UGT1A3: variants seen among roughly 807,000 people sequenced by gnomAD.
UGT1A3 encodes UDP-glucuronosyltransferase 1A3.
Under a neutral mutation model 41.0 loss-of-function variants are expected in UGT1A3, and 31 were observed. The observed-to-expected ratio is 0.76, with a 90% CI of 0.57 to 1.02. UGT1A3 has a LOEUF of 1.02. Ranked by LOEUF, UGT1A3 falls within the 50% of genes least tolerant of loss-of-function variation. UGT1A3 has a pLI of 0.00. For synonymous variants in UGT1A3, 262 were observed against 257.6 expected, an observed-to-expected ratio of 1.02 and a Z score of -0.17; for missense variants, 737 against 671.0, an observed-to-expected ratio of 1.10 and a Z score of -1.09.
In UGT1A3 at chr2:233,769,722, G is replaced by C. The variant is rs906143757; in HGVS notation, c.1307+1283G>C. The C allele has an allele frequency of 4.0e-5, 60 of 1,484,822 alleles. No homozygotes were observed. The highest frequency in any genetic ancestry group is 4.9e-5 in the Non-Finnish European group (55 of 1,116,098). 92.0% of individuals were successfully genotyped at this position (1,484,822 alleles called of 1,614,324 possible). On this transcript the variant is annotated intron_variant, in intron 4 of 4. Coordinates refer to ENST00000482026, the MANE Select transcript of UGT1A3 (RefSeq NM_019093.4). The surrounding 1 kb of genome is among the most constrained non-coding windows in gnomAD (Gnocchi z 4.4). ...AGATCAATGTTGGCTAGGCACCATGGCACACGCCTGTAGTCCCAGCCACTC... is the reference window on the plus strand; with the variant it reads ...AGATCAATGTTGGCTAGGCACCATGCCACACGCCTGTAGTCCCAGCCACTC...
chr2:233,756,139 A>C lies in UGT1A3; in HGVS notation c.868-10895A>C, dbSNP rs548564023. ...CTTTGTAAAATTCTCCTGAAAAATT[A>C]CTGGGGATCCCTAGGATTTCCTGGC... On this transcript the variant is annotated intron_variant, in intron 1 of 4. Coordinates refer to ENST00000482026, the MANE Select transcript of UGT1A3 (RefSeq NM_019093.4). 16 of 152,358 alleles carry C rather than the reference A, an allele frequency of 1.1e-4. No individual in the cohort carries two copies. In the East Asian group the frequency reaches 1.4e-3, roughly 13 times the overall value. 9.4% of individuals were successfully genotyped at this position (152,358 alleles called of 1,614,324 possible). A position where few individuals can be genotyped will look rare whatever the true frequency, so the allele number is the denominator to read the frequency against.
chr2:233,755,131 T>C (rs1695774627), intron 1 of UGT1A3: 1 of 1,321,048 alleles, frequency 7.6e-7, no homozygotes, highest in African/African-American at 1.5e-5. Flanking sequence ...GCCACCTGCT[T>C]GAATCTTCTC....
At chr2:233,767,763 C>T (rs34082659) in intron 2 of UGT1A3, 86 bp from the exon 3 acceptor site, 28,610 of 1,607,468 alleles carry the variant, frequency 0.018, 380 homozygotes, top group Admixed American at 0.044. Flanking sequence ...CTTCAGAGGA[C>T]CCCTGTTTTC....
chr2:233,760,323 C>G (rs760176104), intron 1 of UGT1A3: 27 of 1,613,844 alleles, frequency 1.7e-5, no homozygotes, highest in Non-Finnish European at 2.3e-5. Flanking sequence ...GCCCACTTGT[C>G]CTGGGCCTGC....
Position 233,738,670 on chromosome 2 carries a change from T to C in UGT1A3, c.867+8677T>C, listed in dbSNP as rs377285735. 5.3e-5 allele frequency among the ~76,000 whole-genome samples: 8 copies of C among 152,304 alleles called. No homozygotes were observed. The East Asian group carries it at 7.7e-4, about 15-fold the overall frequency. On this transcript the variant is annotated intron_variant, in intron 1 of 4. Transcript: ENST00000482026. ...TTTGGAACTACGAACTTGAGAGAGA[T>C]GATCTGAAATTGGAACTTATGTTTA...
In UGT1A3 at chr2:233,769,475, G is replaced by A. The variant is rs1699877907; in HGVS notation, c.1307+1036G>A. 2.5e-6 allele frequency: 4 copies of A among 1,611,166 alleles called. No homozygotes were observed. The highest frequency in any genetic ancestry group is 1.7e-4 in the Middle Eastern group (1 of 6,054). ...TGTGCATTCATATGCGTGTGTGTGT[G>A]TGTGCGTGTGTTTATGAGAGTGTCC... On this transcript the variant is annotated intron_variant, in intron 4 of 4. Coordinates refer to ENST00000482026, the MANE Select transcript of UGT1A3 (RefSeq NM_019093.4). The surrounding 1 kb of genome is among the most constrained non-coding windows in gnomAD (Gnocchi z 4.4).
intron 1 of UGT1A3, among the ~76,000 whole-genome samples, chr2:233,733,093 A>C (rs1291548117): frequency 1.3e-5 from 2 of 152,138 alleles, no homozygotes; most frequent in Non-Finnish European, 2.9e-5. Flanking sequence ...GAGTTCACTC[A>C]TGGTTTGGCT....
In UGT1A3 at chr2:233,744,010, C is replaced by A; in HGVS notation, c.867+14017C>A. 3.5e-6 allele frequency: 4 copies of A among 1,130,890 alleles called. No individual in the cohort carries two copies. In the South Asian group the frequency reaches 4.3e-5, roughly 12 times the overall value. 70.1% of individuals were successfully genotyped at this position (1,130,890 alleles called of 1,614,324 possible). On this transcript the variant is annotated intron_variant, in intron 1 of 4. Transcript: ENST00000482026. ...AGGCCCGAGTGCTCGGAGACCTGGG[C>A]CGCCTGGAGAGACGCCCCTTATGAC...
chr2:233,766,907 C>G (rs1383334189), intron 1 of UGT1A3, 127 bp from the exon 2 acceptor site: 28 of 1,506,666 alleles, frequency 1.9e-5, no homozygotes, highest in African/African-American at 1.4e-5. Flanking sequence ...TAATTTTTTA[C>G]TCTATCTCAA....
At chr2:233,758,327 A>G (rs1696843047) in intron 1 of UGT1A3, among the ~76,000 whole-genome samples, 1 of 152,192 alleles carries the variant, frequency 6.6e-6, no homozygotes, top group Non-Finnish European at 1.5e-5. Flanking sequence ...CAGCCTCAAA[A>G]AGCTTGGAAG....
intron 1 of UGT1A3, chr2:233,743,968 T>C (rs1283229468): frequency 3.0e-6 from 4 of 1,327,120 alleles, no homozygotes; most frequent in Non-Finnish European, 4.0e-6. Context: ...GCGGCAAGGC[T>C]GCCAGCACCC....
rs1159793731 is a variant in UGT1A3, at chr2:233,751,025, T to C, written c.868-16009T>C. Reference sequence around the variant, plus strand: ...CCAGAATCCCAAATAGTAGATCCAATAGCTTGCACTGTGTGCCTGGAAAAG... The same window carrying C: ...CCAGAATCCCAAATAGTAGATCCAACAGCTTGCACTGTGTGCCTGGAAAAG... On this transcript the variant is annotated intron_variant, in intron 1 of 4. Transcript: ENST00000482026. 8.6e-5 allele frequency among the ~76,000 whole-genome samples: 13 copies of C among 151,868 alleles called. 1 individual carries two copies. Among genetic ancestry groups the C allele is most frequent in the African/African-American group, 2.2e-4 (9 of 41,208 alleles).
intron 1 of UGT1A3, among the ~76,000 whole-genome samples, chr2:233,739,955 T>C (rs2125826386): frequency 6.6e-6 from 1 of 152,058 alleles, no homozygotes; most frequent in South Asian, 2.1e-4. Flanking sequence ...TGGTGGGAGC[T>C]GATTGAATCA....
At chr2:233,771,921 C>T (rs1320163418) in intron 4 of UGT1A3, among the ~76,000 whole-genome samples, 1 of 151,966 alleles carries the variant, frequency 6.6e-6, no homozygotes, top group East Asian at 1.9e-4. Context: ...AGTAACACAG[C>T]CTGGGCAACA....
chr2:233,737,321 C>G (rs2078863699), intron 1 of UGT1A3, among the ~76,000 whole-genome samples: 1 of 152,264 alleles, frequency 6.6e-6, no homozygotes, highest in African/African-American at 2.4e-5. Flanking sequence ...GACTGCTGCA[C>G]TAGCAGTGAG....
chr2:233,739,125 T>C (rs1690989547), intron 1 of UGT1A3: 1 of 152,272 alleles, frequency 6.6e-6, no homozygotes. Flanking sequence ...ACACAGAAGA[T>C]AAGAATTTAG....
chr2:233,746,319 GA>G (rs1693359020), intron 1 of UGT1A3, among the ~76,000 whole-genome samples: 9 of 151,794 alleles, frequency 5.9e-5, no homozygotes, highest in Non-Finnish European at 1.0e-4. Context: ...CCCTGTAGAT[GA>G]TCTACAGGGC....
chr2:233,749,178 ACTT>A (rs1418442763), intron 1 of UGT1A3, among the ~76,000 whole-genome samples: 1 of 151,644 alleles, frequency 6.6e-6, no homozygotes, highest in Non-Finnish European at 1.5e-5. Flanking sequence ...TTATTTCTGT[ACTT>A]CTTTTTATTA....
intron 1 of UGT1A3, chr2:233,747,911 C>T (rs1693810314): frequency 6.2e-7 from 1 of 1,613,510 alleles, no homozygotes; most frequent in East Asian, 2.2e-5. Flanking sequence ...CTTATGCAAG[C>T]CTTGCCTCTG....
Sources: gnomAD v4.1 joint callset for allele counts (sites outside exome capture counted in the v4.1 genomes callset) on GRCh38, gnomAD v4.1.1 for gene constraint, Gnocchi (gnomAD v3.1) non-coding constraint, MANE v1.5 for transcripts, NCBI Gene and HGNC (gene_info 2026-07-23, HGNC 2026-07-21) for gene names.